GABRA4: variants seen among roughly 807,000 people sequenced by gnomAD.
GABRA4 encodes gamma-aminobutyric acid receptor subunit alpha-4.
A neutral mutation model predicts 49.7 loss-of-function variants in GABRA4; 12 were observed. The observed-to-expected ratio is 0.24, with a 90% CI of 0.15 to 0.39. The LOEUF (loss-of-function observed/expected upper bound fraction) is 0.39. Ranked by LOEUF, GABRA4 falls within the 10% of genes least tolerant of loss-of-function variation. The pLI, the probability that GABRA4 is intolerant of heterozygous loss-of-function variation, is 1.00. For synonymous variants in GABRA4, 288 were observed against 240.2 expected (o/e 1.20, Z -1.84); for missense variants, 506 against 686.0 (o/e 0.74, Z 2.93).
chr4:46,955,659 C>T (rs1011156446), intron 8 of GABRA4, among the ~76,000 whole-genome samples: 2 of 152,168 alleles, frequency 1.3e-5, no homozygotes, highest in African/African-American at 4.8e-5. Context: ...GTATTCCCAA[C>T]ATACTGACAG....
intron 2 of GABRA4, among the ~76,000 whole-genome samples, chr4:46,984,095 A>AT (rs1265449787): frequency 3.3e-5 from 5 of 152,054 alleles, no homozygotes; most frequent in Non-Finnish European, 5.9e-5. Flanking sequence ...GGGTGGAATC[A>AT]TTTTTGAAAT....
Position 46,928,102 on chromosome 4 carries a change from C to T in GABRA4, c.*123G>A, listed in dbSNP as rs1721295561. The stretch of plus-strand genomic sequence containing the variant: ...AACTCTCCCAATAACTGGCTTATAT[C>T]TTTAAATGGAAAAATTACACAGAGT... On this transcript the variant is annotated 3_prime_UTR_variant, in exon 9 of 9. Coordinates refer to ENST00000264318, the MANE Select transcript of GABRA4 (RefSeq NM_000809.4). The T allele has an allele frequency of 3.4e-6, 3 of 874,152 alleles. No homozygotes were observed. In the South Asian group the frequency reaches 6.3e-5, roughly 18 times the overall value. 54.1% of individuals were successfully genotyped at this position (874,152 alleles called of 1,614,324 possible).
intron 2 of GABRA4, among the ~76,000 whole-genome samples, chr4:46,987,783 C>T (rs1723593202): frequency 1.3e-5 from 2 of 152,012 alleles, no homozygotes; most frequent in Admixed American, 6.6e-5. Context: ...TCCAAATTGC[C>T]CTACTTCCTT....
chr4:46,950,970 C>T (rs1037020996), intron 8 of GABRA4, among the ~76,000 whole-genome samples: 1 of 151,880 alleles, frequency 6.6e-6, no homozygotes, highest in East Asian at 1.9e-4. Flanking sequence ...CCCAGGTATC[C>T]CTGACCAGCA....
Position 46,927,128 on chromosome 4 carries a change from T to A in GABRA4, c.*1097A>T, listed in dbSNP as rs1234785226. The stretch of plus-strand genomic sequence containing the variant: ...ATCAAATTCTACTCTGTGACTCTGA[T>A]CAAATTTGCGACAGTTAATCTATTA... On this transcript the variant is annotated 3_prime_UTR_variant, in exon 9 of 9. Transcript: ENST00000264318. The A allele has an allele frequency of 1.3e-5, 2 of 152,014 alleles. No individual in the cohort carries two copies. The highest frequency in any genetic ancestry group is 1.5e-5 in the Non-Finnish European group (1 of 67,934). 9.4% of individuals were successfully genotyped at this position (152,014 alleles called of 1,614,324 possible).
intron 2 of GABRA4, among the ~76,000 whole-genome samples, chr4:46,992,394 T>A (rs1723787830): frequency 6.6e-6 from 1 of 152,196 alleles, no homozygotes; most frequent in Non-Finnish European, 1.5e-5. Flanking sequence ...AGGTAGAACA[T>A]TGGCCAAGGT....
At chr4:46,931,945 C>T (rs1444948444) in intron 8 of GABRA4, among the ~76,000 whole-genome samples, 2 of 152,166 alleles carry the variant, frequency 1.3e-5, no homozygotes, top group Admixed American at 1.3e-4. Context: ...AGTTGATCCA[C>T]AGATTTGGGA....
chr4:46,964,191 T>C (rs1318177223), intron 8 of GABRA4, among the ~76,000 whole-genome samples: 2 of 151,832 alleles, frequency 1.3e-5, no homozygotes, highest in African/African-American at 4.8e-5. Flanking sequence ...TTCTCACTTA[T>C]TTGTGGGATC....
At chr4:46,940,571 T>A (rs1721755244) in intron 8 of GABRA4, among the ~76,000 whole-genome samples, 1 of 152,048 alleles carries the variant, frequency 6.6e-6, no homozygotes. Flanking sequence ...ATGGAAGTAG[T>A]CAATTGGTCA....
At chr4:46,933,016 T>A (rs533217120) in intron 8 of GABRA4, among the ~76,000 whole-genome samples, 1 of 151,628 alleles carries the variant, frequency 6.6e-6, no homozygotes, top group East Asian at 1.9e-4. Context: ...AAGAGGAGAG[T>A]CTAAGCAAAA....
intron 2 of GABRA4, among the ~76,000 whole-genome samples, chr4:46,981,402 A>T (rs559105705): frequency 1.3e-5 from 2 of 152,116 alleles, no homozygotes; most frequent in Admixed American, 1.3e-4. Context: ...TTTCTCAATG[A>T]TTCTTGAATA....
At chr4:46,977,993 C>T (rs1339894466) in intron 3 of GABRA4, among the ~76,000 whole-genome samples, 1 of 151,884 alleles carries the variant, frequency 6.6e-6, no homozygotes, top group Non-Finnish European at 1.5e-5. Context: ...AAATATCATG[C>T]ACAATTAATC....
intron 8 of GABRA4, among the ~76,000 whole-genome samples, chr4:46,952,871 G>GA (rs1428375845): frequency 1.3e-5 from 2 of 151,936 alleles, no homozygotes; most frequent in South Asian, 2.1e-4. Flanking sequence ...TGAAGTACCA[G>GA]AAAAAAACCT....
chr4:46,928,667 T>C lies in GABRA4; in HGVS notation c.1223A>G (p.Asn408Ser). 6.2e-7 allele frequency: 1 copy of C among 1,613,558 alleles called. No homozygotes were observed. Residue 408 changes from asparagine (N) to serine (S), a missense_variant, in exon 9 of 9, where the codon AAC becomes AGC. Physicochemically the swap from Asn to Ser is conservative, Grantham distance 46. Coordinates refer to ENST00000264318, the MANE Select transcript of GABRA4 (RefSeq NM_000809.4). The part of the protein sequence containing the change: ...SDVGNRTEVG[N>S]HSSKSSTVVQ... ...AACTGTGGAAGATTTGCTTGAATGG[T>C]TTCCCACCTCAGTTCTGTTGCCAAC...
intron 2 of GABRA4, among the ~76,000 whole-genome samples, chr4:46,983,612 A>G (rs930938111): frequency 2.6e-5 from 4 of 152,118 alleles, no homozygotes; most frequent in Admixed American, 2.0e-4. Context: ...GACCAATCAC[A>G]GGTTTTAAAT....
Position 46,947,834 on chromosome 4 carries a change from C to A in GABRA4, c.1134+17136G>T, listed in dbSNP as rs1373599607. 2.6e-5 allele frequency among the ~76,000 whole-genome samples: 4 copies of A among 152,090 alleles called. No homozygotes were observed. In the East Asian group the frequency reaches 7.8e-4, roughly 30 times the overall value. On this transcript the variant is annotated intron_variant, in intron 8 of 8. Coordinates refer to ENST00000264318, the MANE Select transcript of GABRA4 (RefSeq NM_000809.4). ...TAAACATAGTGGCTTAAAGCAACAG[C>A]AATCATTTTAATTTTATCTCTCAAG...
intron 7 of GABRA4, among the ~76,000 whole-genome samples, chr4:46,967,620 A>C (rs998768073): frequency 3.3e-5 from 5 of 151,712 alleles, no homozygotes; most frequent in Non-Finnish European, 7.4e-5. Flanking sequence ...AACAGAAACC[A>C]ACTCTTCAGA....
chr4:46,982,411 G>A (rs1289055362), intron 2 of GABRA4, among the ~76,000 whole-genome samples: 1 of 151,914 alleles, frequency 6.6e-6, no homozygotes, highest in Non-Finnish European at 1.5e-5. Context: ...CAGAGACAAT[G>A]TGAACATGGA....
At chr4:46,993,025 G>T in intron 1 of GABRA4, 79 bp from the exon 2 acceptor site, 1 of 1,101,190 alleles carries the variant, frequency 9.1e-7, no homozygotes, top group East Asian at 2.4e-5. Flanking sequence ...AAACAGGTTT[G>T]TTTTCTAGGG....
Sources: allele counts gnomAD v4.1 joint callset (sites outside exome capture counted in the v4.1 genomes callset), GRCh38; gene constraint gnomAD v4.1.1; transcripts MANE v1.5; gene names NCBI Gene and HGNC (gene_info 2026-07-23, HGNC 2026-07-21).